The following PLA2G5 variants were observed in gnomAD, a reference collection of about 807,000 sequenced individuals.
The protein encoded by PLA2G5 is phospholipase A2 group V, also known as Ca2+-dependent phospholipase A2.
In PLA2G5, 12 loss-of-function variants were observed where a neutral mutation model predicts 15.9. That is an observed-to-expected ratio of 0.76 (90% CI 0.48 to 1.23). The LOEUF (loss-of-function observed/expected upper bound fraction) is 1.23. Ranked by LOEUF, PLA2G5 falls within the 50% of genes most tolerant of loss-of-function variation. PLA2G5 has a pLI of 0.00. For synonymous variants in PLA2G5, 71 were observed against 71.4 expected, an observed-to-expected ratio of 0.99 and a Z score of 0.03; for missense variants, 169 against 177.1, an observed-to-expected ratio of 0.95 and a Z score of 0.26.
chr1:20,039,746 GTGTA>G (rs2013482072), intron 1 of PLA2G5, among the ~76,000 whole-genome samples: 1 of 152,102 alleles, frequency 6.6e-6, no homozygotes, highest in South Asian at 2.1e-4. Context: ...CTGTGTATCT[GTGTA>G]TATTCCATTC....
At position 20,084,695 on chromosome 1, in the gene PLA2G5, T is replaced by C. The variant is rs2016195955; in HGVS notation, c.-10-126T>C. The C allele has an allele frequency of 2.3e-5, 17 of 727,010 alleles. No homozygotes were observed. In the South Asian group the frequency reaches 2.7e-4, roughly 12 times the overall value. 45.0% of individuals were successfully genotyped at this position (727,010 alleles called of 1,614,324 possible). The stretch of plus-strand genomic sequence containing the variant: ...CTCATCTTTTCTGGCTGGACTCATC[T>C]TGTTTATTGCCCACCATGACGGGGA... On this transcript the variant is annotated intron_variant, in intron 1 of 4. Coordinates refer to ENST00000375108, the MANE Select transcript of PLA2G5 (RefSeq NM_000929.3).
Position 20,087,658 on chromosome 1 carries a change from C to T in PLA2G5, c.185+1431C>T, listed in dbSNP as rs568528330. ...CCTAGATCTAGTTTCCAATGTCATT[C>T]TTCAATAGAAGGCCCCTTCCAAGTC... On this transcript the variant is annotated intron_variant, in intron 3 of 4. Coordinates refer to ENST00000375108, the MANE Select transcript of PLA2G5 (RefSeq NM_000929.3). Among the ~76,000 whole-genome samples, 11 of 152,214 alleles carry T rather than the reference C, an allele frequency of 7.2e-5. No individual in the cohort carries two copies. In the South Asian group the frequency reaches 2.3e-3, roughly 32 times the overall value.
chr1:20,058,620 T>G (rs1359655986), intron 1 of PLA2G5, among the ~76,000 whole-genome samples: 1 of 152,178 alleles, frequency 6.6e-6, no homozygotes, highest in African/African-American at 2.4e-5. Context: ...ATATGAGCCT[T>G]GAATTTAGAA....
At position 20,083,806 on chromosome 1, in the gene PLA2G5, A is replaced by T. The variant is rs561789143; in HGVS notation, c.-10-1015A>T. ...GCCTCCACTGCTTAATGGCTGTGTG[A>T]CCTCTGGCAAGGTCCCTGAGCTTTC... On this transcript the variant is annotated intron_variant, in intron 1 of 4. Coordinates refer to ENST00000375108, the MANE Select transcript of PLA2G5 (RefSeq NM_000929.3). Among the ~76,000 whole-genome samples the T allele has an allele frequency of 9.4e-4, 143 of 151,522 alleles. 4 individuals carry two copies. Among genetic ancestry groups the T allele is most frequent in the African/African-American group, 3.2e-3 (130 of 41,022 alleles).
chr1:20,073,950 C>T (rs1410047213), intron 1 of PLA2G5, among the ~76,000 whole-genome samples: 1 of 152,106 alleles, frequency 6.6e-6, no homozygotes, highest in Non-Finnish European at 1.5e-5. Flanking sequence ...GTTTCCCGCC[C>T]TCAGATGCCT....
chr1:20,075,167 A>G (rs933058714), intron 1 of PLA2G5, among the ~76,000 whole-genome samples: 1 of 152,152 alleles, frequency 6.6e-6, no homozygotes, highest in East Asian at 1.9e-4. Context: ...GGGTCTTTGG[A>G]CAGGGCCTAT....
chr1:20,036,765 A>C (rs915123181), intron 1 of PLA2G5, among the ~76,000 whole-genome samples: 2 of 152,106 alleles, frequency 1.3e-5, no homozygotes, highest in Non-Finnish European at 2.9e-5. Context: ...TCCTGGGTTC[A>C]AGTGATTTTC....
rs905146445 is a variant in PLA2G5 at position 20,070,269 on chromosome 1, C to T, written c.-207C>T. On this transcript the variant is annotated 5_prime_UTR_variant, in exon 1 of 5. Coordinates refer to ENST00000375108, the MANE Select transcript of PLA2G5 (RefSeq NM_000929.3). ...TCCTCCCCACCTCCGGGTTTGTCCT[C>T]ATCATCGGTCACTCCCATTCACAGC... 1 of 985,502 alleles carries T rather than the reference C, an allele frequency of 1.0e-6. No individual in the cohort carries two copies. 61.0% of individuals were successfully genotyped at this position (985,502 alleles called of 1,614,324 possible).
intron 1 of PLA2G5, among the ~76,000 whole-genome samples, chr1:20,050,406 T>C (rs1436470515): frequency 2.0e-5 from 3 of 152,134 alleles, no homozygotes; most frequent in South Asian, 2.1e-4. Context: ...GCATGTGAGA[T>C]TGTAAGGGCC....
At chr1:20,060,163 T>C (rs1418524752) in intron 2 of PLA2G5, among the ~76,000 whole-genome samples, 1 of 151,914 alleles carries the variant, frequency 6.6e-6, no homozygotes, top group Admixed American at 6.6e-5. Flanking sequence ...TACGGCACTG[T>C]AAAGCCATGC....
intron 1 of PLA2G5, among the ~76,000 whole-genome samples, chr1:20,059,141 G>C (rs1201662219): frequency 9.2e-6 from 1 of 109,158 alleles, no homozygotes. Flanking sequence ...AAAAAAAAAA[G>C]GGCTCACATG....
chr1:20,064,659 C>T (rs1475653208), intron 2 of PLA2G5, among the ~76,000 whole-genome samples: 1 of 151,812 alleles, frequency 6.6e-6, no homozygotes, highest in Non-Finnish European at 1.5e-5. Context: ...TTTGGGAGGC[C>T]AAGGTGGGAG....
At chr1:20,050,889 C>A (rs1215532032) in intron 1 of PLA2G5, among the ~76,000 whole-genome samples, 1 of 151,784 alleles carries the variant, frequency 6.6e-6, no homozygotes. Flanking sequence ...TCCCTGAAGT[C>A]CAAAAATGAC....
At chr1:20,073,479 G>T (rs2015494238) in intron 1 of PLA2G5, among the ~76,000 whole-genome samples, 1 of 152,178 alleles carries the variant, frequency 6.6e-6, no homozygotes, top group Non-Finnish European at 1.5e-5. Flanking sequence ...ACAGGAAGCT[G>T]CCAATTTACA....
intron 1 of PLA2G5, among the ~76,000 whole-genome samples, chr1:20,078,953 A>G (rs189434962): frequency 2.8e-4 from 42 of 152,076 alleles, no homozygotes; most frequent in Non-Finnish European, 4.3e-4. Context: ...TAAAAAATGC[A>G]CAAAGAAATT....
intron 2 of PLA2G5, chr1:20,063,622 T>C (rs934956398): frequency 5.3e-5 from 8 of 152,190 alleles, no homozygotes; most frequent in African/African-American, 1.9e-4. Flanking sequence ...GAGGCTGCAG[T>C]TGGAAACTTG....
chr1:20,090,893 T>C lies in PLA2G5; in HGVS notation c.*201T>C. 1.8e-6 allele frequency: 1 copy of C among 547,398 alleles called. No homozygotes were observed. Among genetic ancestry groups the C allele is most frequent in the Non-Finnish European group, 3.2e-6 (1 of 309,126 alleles). 33.9% of individuals were successfully genotyped at this position (547,398 alleles called of 1,614,324 possible). A position where few individuals can be genotyped will look rare whatever the true frequency, so the allele number is the denominator to read the frequency against. ...ACTCTGGTCATAGGACTTGGTAGGG[T>C]CCCAGGGTCCCTAGGCCTCCACTTC... On this transcript the variant is annotated 3_prime_UTR_variant, in exon 5 of 5. Coordinates refer to ENST00000375108, the MANE Select transcript of PLA2G5 (RefSeq NM_000929.3).
At chr1:20,077,116 A>C (rs2015732717) in intron 1 of PLA2G5, among the ~76,000 whole-genome samples, 1 of 152,258 alleles carries the variant, frequency 6.6e-6, no homozygotes, top group South Asian at 2.1e-4. Flanking sequence ...TTGAGGATCT[A>C]TAATGGGTCA....
upstream of PLA2G5, among the ~76,000 whole-genome samples, chr1:20,065,210 C>T (rs1484023091): frequency 6.6e-6 from 1 of 152,114 alleles, no homozygotes; most frequent in Admixed American, 6.5e-5. Context: ...ACAGATTTTC[C>T]TCTTATTAAC....
Sources: allele counts gnomAD v4.1 joint callset (sites outside exome capture counted in the v4.1 genomes callset), GRCh38; gene constraint gnomAD v4.1.1; transcripts MANE v1.5; gene names NCBI Gene and HGNC (gene_info 2026-07-23, HGNC 2026-07-21).